STXBP5L: variants seen among roughly 807,000 people sequenced by gnomAD.
STXBP5L encodes the protein syntaxin-binding protein 5-like.
In STXBP5L, 65 loss-of-function variants were observed where a neutral mutation model predicts 144.5. That is an observed-to-expected ratio of 0.45 (90% CI 0.37 to 0.55). The LOEUF (loss-of-function observed/expected upper bound fraction) is 0.55, where lower values mean the gene tolerates loss of function less well. Ranked by LOEUF, STXBP5L falls within the 20% of genes least tolerant of loss-of-function variation. The probability of loss-of-function intolerance (pLI) is 0.00; values close to 1 mark genes in which losing one functional copy is unlikely to be tolerated. For missense variants in STXBP5L, 1,298 were observed against 1,405.5 expected (o/e 0.92, Z 1.22); for synonymous variants, 505 against 469.6 (o/e 1.08, Z -0.97).
chr3:121,381,022 GT>G (rs1221652896), intron 21 of STXBP5L, among the ~76,000 whole-genome samples: 1 of 152,088 alleles, frequency 6.6e-6, no homozygotes, highest in Non-Finnish European at 1.5e-5. Flanking sequence ...AAACTTGTGA[GT>G]TAACGTAGAG....
At chr3:121,173,831 T>C (rs2046827075) in intron 9 of STXBP5L, among the ~76,000 whole-genome samples, 1 of 152,016 alleles carries the variant, frequency 6.6e-6, no homozygotes, top group South Asian at 2.1e-4. Context: ...TGCAATTCAG[T>C]TTTTTCTCAT....
intron 9 of STXBP5L, among the ~76,000 whole-genome samples, chr3:121,191,883 G>C (rs1439131831): frequency 6.6e-6 from 1 of 151,500 alleles, no homozygotes; most frequent in African/African-American, 2.4e-5. Context: ...ACTCATAGGT[G>C]GGAATTGAAC....
At chr3:120,938,826 G>A (rs1459292954) in intron 2 of STXBP5L, among the ~76,000 whole-genome samples, 1 of 152,130 alleles carries the variant, frequency 6.6e-6, no homozygotes, top group Non-Finnish European at 1.5e-5. Flanking sequence ...TGTTGCCCAG[G>A]CTGGAGTGCA....
intron 2 of STXBP5L, among the ~76,000 whole-genome samples, chr3:120,951,728 A>C (rs185610618): frequency 2.4e-4 from 36 of 152,160 alleles, no homozygotes; most frequent in South Asian, 8.3e-4. Flanking sequence ...TAGTTCAACC[A>C]TTGTGGAAGT....
intron 3 of STXBP5L, among the ~76,000 whole-genome samples, chr3:121,012,409 G>A (rs1176383207): frequency 6.6e-6 from 1 of 151,772 alleles, no homozygotes. Flanking sequence ...CAAAAAGGTT[G>A]CATGGTTTCA....
chr3:121,381,214 G>C, intron 21 of STXBP5L, 79 bp from the exon 22 acceptor site: 1 of 1,378,886 alleles, frequency 7.3e-7, no homozygotes, highest in Non-Finnish European at 9.8e-7. Flanking sequence ...TCATAATTTT[G>C]ATTTATATAT....
In STXBP5L at chr3:121,164,714, G is replaced by C. The variant is rs544718261; in HGVS notation, c.877+7087G>C. 1.7e-4 allele frequency among the ~76,000 whole-genome samples: 26 copies of C among 152,232 alleles called. No individual in the cohort carries two copies. The East Asian group carries it at 4.8e-3, about 28-fold the overall frequency. ...ATGTAATTTTATGCAGCCTTAAAAA[G>C]GAAAGATATCCTGTCATTTGCCACA... On this transcript the variant is annotated intron_variant, in intron 9 of 26. Transcript: ENST00000471454.
intron 3 of STXBP5L, among the ~76,000 whole-genome samples, chr3:120,997,264 G>T (rs995884514): frequency 6.6e-6 from 1 of 152,086 alleles, no homozygotes; most frequent in Non-Finnish European, 1.5e-5. Flanking sequence ...GCATGCATGT[G>T]TCTTTATGGT....
At chr3:121,046,705 G>C (rs762081467) in intron 5 of STXBP5L, among the ~76,000 whole-genome samples, 3 of 151,902 alleles carry the variant, frequency 2.0e-5, no homozygotes, top group Non-Finnish European at 4.4e-5. Flanking sequence ...TGGTGGTAAT[G>C]TCTTTTTTGG....
chr3:121,154,841 T>C (rs2046058757), intron 8 of STXBP5L, among the ~76,000 whole-genome samples: 1 of 151,844 alleles, frequency 6.6e-6, no homozygotes, highest in African/African-American at 2.4e-5. Context: ...GTTTAGTTAA[T>C]TCAGTTTAGA....
At chr3:120,911,674 A>G (rs541258226) in intron 2 of STXBP5L, among the ~76,000 whole-genome samples, 1 of 152,230 alleles carries the variant, frequency 6.6e-6, no homozygotes, top group South Asian at 2.1e-4. Context: ...TTATAATAAT[A>G]TTAGCTTATG....
chr3:121,110,834 C>T (rs1176954535), intron 5 of STXBP5L, among the ~76,000 whole-genome samples: 4 of 152,110 alleles, frequency 2.6e-5, no homozygotes, highest in South Asian at 2.1e-4. Flanking sequence ...TCCAACTTGG[C>T]CCTGTTCTCC....
Position 121,175,857 on chromosome 3 carries a change from TA to T in STXBP5L, c.877+18242del, listed in dbSNP as rs34893213. The stretch of plus-strand genomic sequence containing the variant: ...TACAAAACTATAGATAAGTTGACAG[TA>T]AAAAAAAAAAAGATATAGCTTACAA... On this transcript the variant is annotated intron_variant, in intron 9 of 26. Coordinates refer to ENST00000471454, the MANE Select transcript of STXBP5L (RefSeq NM_001308330.2). Among the ~76,000 whole-genome samples, 1,290 of 140,040 alleles carry T rather than the reference TA, an allele frequency of 9.2e-3. 9 individuals are homozygous for T. Among genetic ancestry groups the T allele is most frequent in the African/African-American group, 0.026 (1,006 of 38,268 alleles). 91.9% of individuals were successfully genotyped at this position (140,040 alleles called of 152,430 possible).
intron 18 of STXBP5L, among the ~76,000 whole-genome samples, chr3:121,261,153 G>A (rs1012351285): frequency 1.3e-5 from 2 of 152,080 alleles, no homozygotes; most frequent in African/African-American, 2.4e-5. Flanking sequence ...TTCAGAAGCT[G>A]AAGTTTGTTA....
At position 121,354,410 on chromosome 3, in the gene STXBP5L, G is replaced by T. The variant is rs151220159; in HGVS notation, c.2177-24306G>T. On this transcript the variant is annotated intron_variant, in intron 20 of 26. Transcript: ENST00000471454. ...TTTAGGATAGTTACATCTTCTTGTT[G>T]AATTGAACCCTTTGCCATTATGTAA... Among the ~76,000 whole-genome samples, 1,435 of 151,306 alleles carry T rather than the reference G, an allele frequency of 9.5e-3. 9 individuals are homozygous for T. Among genetic ancestry groups the T allele is most frequent in the Non-Finnish European group, 0.014 (971 of 67,832 alleles).
intron 20 of STXBP5L, among the ~76,000 whole-genome samples, chr3:121,352,823 A>G (rs1380758888): frequency 6.6e-6 from 1 of 152,124 alleles, no homozygotes. Flanking sequence ...TGGGTTTGTC[A>G]TAAGTAGCTC....
intron 9 of STXBP5L, among the ~76,000 whole-genome samples, chr3:121,185,180 T>C (rs758216529): frequency 3.9e-5 from 6 of 152,182 alleles, no homozygotes; most frequent in Non-Finnish European, 8.8e-5. Flanking sequence ...TTGTAGATTC[T>C]ACAATTGTAG....
chr3:121,093,372 A>G (rs377483163), intron 5 of STXBP5L, among the ~76,000 whole-genome samples: 17 of 152,124 alleles, frequency 1.1e-4, no homozygotes, highest in Non-Finnish European at 5.9e-5. Flanking sequence ...TGTACCTCTG[A>G]TAGAATTCGG....
intron 7 of STXBP5L, among the ~76,000 whole-genome samples, chr3:121,135,108 T>G (rs2045185958): frequency 6.6e-6 from 1 of 152,232 alleles, no homozygotes; most frequent in African/African-American, 2.4e-5. Flanking sequence ...CTAACTGGTA[T>G]GAGATGGTAT....
Sources: gnomAD v4.1 joint callset for allele counts (sites outside exome capture counted in the v4.1 genomes callset) on GRCh38, gnomAD v4.1.1 for gene constraint, MANE v1.5 for transcripts, NCBI Gene and HGNC (gene_info 2026-07-23, HGNC 2026-07-21) for gene names.